STK31: variants seen among roughly 807,000 people sequenced by gnomAD.
STK31 encodes serine/threonine-protein kinase 31.
In STK31, 89 loss-of-function variants were observed where a neutral mutation model predicts 129.7. That is an observed-to-expected ratio of 0.69 (90% confidence interval 0.58 to 0.82). The LOEUF (loss-of-function observed/expected upper bound fraction) is 0.82. STK31 is among the 40% of genes least tolerant of loss of function. STK31 has a pLI of 0.00. For missense variants in STK31, 1,187 were observed against 1,176.4 expected (o/e 1.01, Z -0.13); for synonymous variants, 448 against 395.3 (o/e 1.13, Z -1.58).
At chr7:23,731,638 A>AT (rs34889270) in intron 6 of STK31, among the ~76,000 whole-genome samples, 3 of 152,060 alleles carry the variant, frequency 2.0e-5, no homozygotes, top group African/African-American at 7.2e-5. Context: ...ATTCCTTCAC[A>AT]TTTTTTTAAC....
chr7:23,805,204 T>C (rs1792627362), intron 22 of STK31, among the ~76,000 whole-genome samples: 1 of 151,956 alleles, frequency 6.6e-6, no homozygotes, highest in South Asian at 2.1e-4. Context: ...GCCTCCTGAG[T>C]AGCTGGGATT....
In STK31 at chr7:23,817,710, A is replaced by G. The variant is rs528848270; in HGVS notation, c.2829+2498A>G. Among the ~76,000 whole-genome samples the G allele has an allele frequency of 3.3e-5, 5 of 152,328 alleles. No individual in the cohort carries two copies. The South Asian group carries it at 1.0e-3, about 32-fold the overall frequency. On this transcript the variant is annotated intron_variant, in intron 23 of 23. Coordinates refer to ENST00000355870, the MANE Select transcript of STK31 (RefSeq NM_031414.5). ...TGGCCTTCAGCCTCTGCTTAAGTAG[A>G]GTAATGCTGATTTTGGTAGTTTGTG...
chr7:23,794,344 T>A (rs1296901109), intron 22 of STK31, among the ~76,000 whole-genome samples: 1 of 152,198 alleles, frequency 6.6e-6, no homozygotes, highest in African/African-American at 2.4e-5. Context: ...AAGAATGTGT[T>A]TACTTCCCCT....
At chr7:23,751,634 A>G (rs922866269) in intron 8 of STK31, among the ~76,000 whole-genome samples, 2 of 152,238 alleles carry the variant, frequency 1.3e-5, no homozygotes, top group Non-Finnish European at 2.9e-5. Context: ...TACTTATTCA[A>G]TCAACTACTG....
At chr7:23,824,062 G>A (rs1300793125) in intron 23 of STK31, among the ~76,000 whole-genome samples, 16 of 152,312 alleles carry the variant, frequency 1.1e-4, no homozygotes, top group Admixed American at 5.2e-4. Flanking sequence ...TTTGGCTTAG[G>A]ATTGACTTGG....
intron 7 of STK31, 39 bp downstream of exon 7, chr7:23,735,935 G>C: frequency 6.8e-7 from 1 of 1,478,410 alleles, no homozygotes; most frequent in Non-Finnish European, 9.1e-7. Context: ...ATTGATGGTA[G>C]AGGTCCCTGT....
At chr7:23,821,022 AT>A (rs1793759162) in intron 23 of STK31, among the ~76,000 whole-genome samples, 1 of 148,350 alleles carries the variant, frequency 6.7e-6, no homozygotes, top group Non-Finnish European at 1.5e-5. Context: ...TCATATACTG[AT>A]TTCCTTTTTA....
At chr7:23,736,416 A>G (rs1295851159) in intron 7 of STK31, among the ~76,000 whole-genome samples, 1 of 152,058 alleles carries the variant, frequency 6.6e-6, no homozygotes, top group African/African-American at 2.4e-5. Flanking sequence ...TTTGATATTT[A>G]TATGTATCAA....
chr7:23,816,714 CTG>C (rs2128128032), intron 23 of STK31, among the ~76,000 whole-genome samples: 1 of 152,316 alleles, frequency 6.6e-6, no homozygotes, highest in African/African-American at 2.4e-5. Flanking sequence ...GCAGTAGACT[CTG>C]TTCACTAAGA....
chr7:23,811,570 C>G (rs767694824), intron 22 of STK31: 28 of 205,622 alleles, frequency 1.4e-4, no homozygotes, highest in Admixed American at 4.1e-4. Context: ...TCCTCTCCCC[C>G]TCCAGGCACA....
intron 23 of STK31, among the ~76,000 whole-genome samples, chr7:23,824,413 G>A (rs981415267): frequency 3.1e-4 from 47 of 152,280 alleles, no homozygotes; most frequent in Middle Eastern, 3.4e-3. Context: ...TGTTATTGGT[G>A]TATAAGAATG....
chr7:23,832,086 AG>A (rs763726199), intron 23 of STK31, 49 bp from the exon 24 acceptor site: 1 of 1,341,706 alleles, frequency 7.5e-7, no homozygotes, highest in South Asian at 1.2e-5. Context: ...TCTTCATTAC[AG>A]ATTTGTCCTT....
intron 6 of STK31, among the ~76,000 whole-genome samples, chr7:23,731,858 C>A (rs1787450637): frequency 6.6e-6 from 1 of 152,118 alleles, no homozygotes; most frequent in African/African-American, 2.4e-5. Context: ...AGGCAGAATT[C>A]AGAGGAATAA....
chr7:23,829,645 T>G (rs1008447330), intron 23 of STK31, among the ~76,000 whole-genome samples: 2 of 152,216 alleles, frequency 1.3e-5, no homozygotes, highest in Admixed American at 6.5e-5. Flanking sequence ...GGCTGGGCCT[T>G]GTAGAACAAG....
At chr7:23,783,244 C>T (rs373549922) in intron 16 of STK31, among the ~76,000 whole-genome samples, 11 of 152,242 alleles carry the variant, frequency 7.2e-5, no homozygotes, top group South Asian at 2.1e-4. Context: ...TGAAGTATGG[C>T]GGCTGGGATT....
intron 8 of STK31, among the ~76,000 whole-genome samples, chr7:23,746,349 T>A (rs573153351): frequency 6.6e-6 from 1 of 152,204 alleles, no homozygotes; most frequent in Admixed American, 6.5e-5. Context: ...CTTCTATGCA[T>A]TGAGGAGCCT....
At chr7:23,790,679 G>A in intron 21 of STK31, 145 bp from the exon 22 acceptor site, 1 of 790,614 alleles carries the variant, frequency 1.3e-6, no homozygotes, top group Non-Finnish European at 1.8e-6. Context: ...ATTTATAATA[G>A]CAGAAATTGG....
chr7:23,777,230 GTTTT>G (rs1242816354), intron 15 of STK31, among the ~76,000 whole-genome samples: 17 of 152,170 alleles, frequency 1.1e-4, no homozygotes, highest in African/African-American at 3.9e-4. Context: ...GCCAGGAAGT[GTTTT>G]ACTTCCAACT....
chr7:23,757,242 T>A (rs1789145890), intron 10 of STK31, among the ~76,000 whole-genome samples: 1 of 152,072 alleles, frequency 6.6e-6, no homozygotes. Flanking sequence ...CCTGTGGGCG[T>A]TTCTCGTCAG....
Sources: allele counts gnomAD v4.1 joint callset (sites outside exome capture counted in the v4.1 genomes callset), GRCh38; gene constraint gnomAD v4.1.1; transcripts MANE v1.5; gene names NCBI Gene and HGNC (gene_info 2026-07-23, HGNC 2026-07-21).